Variants in PCCA observed in about 807,000 individuals in gnomAD.
The protein encoded by PCCA is propionyl-CoA carboxylase subunit alpha.
Under a neutral mutation model 101.3 loss-of-function variants are expected in PCCA, and 74 were observed. The ratio of observed to expected loss-of-function variants is 0.73; its 90% confidence interval spans 0.61 to 0.89. PCCA has a LOEUF of 0.89. Ranked by LOEUF, PCCA falls within the 40% of genes least tolerant of loss-of-function variation. The pLI is 0.00. For synonymous variants in PCCA, 294 were observed against 313.6 expected (o/e 0.94, Z 0.66); for missense variants, 891 against 907.0 (o/e 0.98, Z 0.23).
intron 22 of PCCA, among the ~76,000 whole-genome samples, chr13:100,519,714 G>A (rs1369187473): frequency 6.6e-6 from 1 of 152,160 alleles, no homozygotes; most frequent in Admixed American, 6.5e-5. Context: ...ATACAGAACT[G>A]GCAAACTTGG....
intron 15 of PCCA, among the ~76,000 whole-genome samples, chr13:100,307,636 G>A (rs116278482): frequency 0.014 from 2,135 of 152,238 alleles, 47 homozygotes; most frequent in African/African-American, 0.049. Flanking sequence ...GGGCTGATAG[G>A]CAGTGTTTGT....
intron 18 of PCCA, among the ~76,000 whole-genome samples, chr13:100,354,180 G>A (rs1161566601): frequency 1.3e-5 from 2 of 150,922 alleles, no homozygotes; most frequent in Non-Finnish European, 2.9e-5. Context: ...GAAGGCTGAG[G>A]TGGGAGGATC....
At chr13:100,317,718 C>T (rs1381414855) in intron 16 of PCCA, among the ~76,000 whole-genome samples, 1 of 152,172 alleles carries the variant, frequency 6.6e-6, no homozygotes, top group Non-Finnish European at 1.5e-5. Flanking sequence ...TCCCTGGTAG[C>T]TGGGACTACA....
At chr13:100,201,260 G>A (rs1159311665) in intron 6 of PCCA, among the ~76,000 whole-genome samples, 1 of 151,818 alleles carries the variant, frequency 6.6e-6, no homozygotes, top group African/African-American at 2.4e-5. Flanking sequence ...TCTTTTTGTT[G>A]ATATCTCTTT....
At chr13:100,401,470 G>A (rs959577233) in intron 19 of PCCA, among the ~76,000 whole-genome samples, 1 of 152,008 alleles carries the variant, frequency 6.6e-6, no homozygotes, top group African/African-American at 2.4e-5. Context: ...TTTCGAACTC[G>A]TGACCTTGTG....
In PCCA at chr13:100,218,344, G is replaced by T. The variant is rs938454148; in HGVS notation, c.600+8881G>T. Among the ~76,000 whole-genome samples the T allele has an allele frequency of 1.8e-3, 241 of 136,404 alleles. 1 individual carries two copies. The highest frequency in any genetic ancestry group is 4.6e-3 in the African/African-American group (171 of 37,354). The allele number at this position is 136,404 out of a possible 152,430, so 89.5% of individuals were successfully genotyped here. A position where few individuals can be genotyped will look rare whatever the true frequency, so the allele number is the denominator to read the frequency against. Reference sequence around the variant, plus strand: ...CCACCACCATGTCTGGCTATGGGTTGTTTTTTTTTTTTTTTGTATTTAGCA... The same window carrying T: ...CCACCACCATGTCTGGCTATGGGTTTTTTTTTTTTTTTTTTGTATTTAGCA... On this transcript the variant is annotated intron_variant, in intron 7 of 23. Transcript: ENST00000376285.
At chr13:100,388,419 G>A (rs962600789) in intron 19 of PCCA, among the ~76,000 whole-genome samples, 4 of 152,124 alleles carry the variant, frequency 2.6e-5, no homozygotes, top group Non-Finnish European at 4.4e-5. Flanking sequence ...AGCTGTGATC[G>A]TGCCACTGCA....
chr13:100,519,990 C>T (rs1420338612), intron 22 of PCCA, among the ~76,000 whole-genome samples: 2 of 152,168 alleles, frequency 1.3e-5, no homozygotes, highest in Admixed American at 6.5e-5. Context: ...TGTTTTATAG[C>T]AATAGTTATT....
intron 12 of PCCA, among the ~76,000 whole-genome samples, chr13:100,274,127 C>T (rs2063486499): frequency 6.6e-6 from 1 of 152,210 alleles, no homozygotes; most frequent in Non-Finnish European, 1.5e-5. Context: ...CTCCATCTTC[C>T]CTAGAGCTGT....
chr13:100,207,027 T>G (rs941109317), intron 6 of PCCA, among the ~76,000 whole-genome samples: 1 of 152,254 alleles, frequency 6.6e-6, no homozygotes, highest in Non-Finnish European at 1.5e-5. Context: ...CTTTGGATTT[T>G]CATTTCCTTA....
In PCCA at chr13:100,425,711, G is replaced by C. The variant is rs756663669; in HGVS notation, c.1825G>C (p.Gly609Arg). ...GCCCTTATTGTCTGTCAGCGTTGAT[G>C]GCACTCAGAGGACTGTCCAGGTGAG... is the stretch of plus-strand genomic sequence containing the variant. ...ASPLLSVSVDGTQRTVQCLSR... is the reference protein window; with the variant it reads ...ASPLLSVSVDRTQRTVQCLSR... Residue 609 changes from glycine to arginine, a missense_variant, in exon 20 of 24, where the codon GGC becomes CGC. Gly to Arg is a moderately radical substitution (Grantham distance 125, BLOSUM62 -2). Transcript: ENST00000376285. 3.1e-6 allele frequency: 5 copies of C among 1,612,898 alleles called. No individual in the cohort carries two copies. The highest frequency in any genetic ancestry group is 3.4e-6 in the Non-Finnish European group (4 of 1,178,840).
At position 100,185,463 on chromosome 13, in the gene PCCA, C is replaced by T. The variant is rs142696291; in HGVS notation, c.469-23869C>T. On this transcript the variant is annotated intron_variant, in intron 6 of 23. Transcript: ENST00000376285. ...CTCTTGGGCTCAGGTGATTCTCCCA[C>T]CTCAGCCTCCCGGGTAGCTGGGACC... 2.0e-3 allele frequency among the ~76,000 whole-genome samples: 307 copies of T among 152,080 alleles called. 2 individuals carry two copies. Among genetic ancestry groups the T allele is most frequent in the African/African-American group, 7.0e-3 (292 of 41,496 alleles).
intron 21 of PCCA, among the ~76,000 whole-genome samples, chr13:100,483,810 A>G (rs2084147202): frequency 6.6e-6 from 1 of 152,178 alleles, no homozygotes; most frequent in Admixed American, 6.5e-5. Flanking sequence ...GCTGACCAAT[A>G]TTTAGAGAGC....
At chr13:100,438,598 A>G (rs934752320) in intron 20 of PCCA, among the ~76,000 whole-genome samples, 1 of 151,838 alleles carries the variant, frequency 6.6e-6, no homozygotes, top group Non-Finnish European at 1.5e-5. Flanking sequence ...GTTCTGGAGG[A>G]TGCCTTTAAT....
At chr13:100,451,715 C>CCT (rs71114697) in intron 21 of PCCA, among the ~76,000 whole-genome samples, 35,820 of 95,828 alleles carry the variant, frequency 0.37, 7,710 homozygotes, top group Middle Eastern at 0.58. Flanking sequence ...TCTCCTCTCT[C>CCT]CTCTCTCTCT....
At chr13:100,161,139 A>G (rs1412783898) in intron 6 of PCCA, 1 of 152,154 alleles carries the variant, frequency 6.6e-6, no homozygotes, top group Non-Finnish European at 1.5e-5. Flanking sequence ...ACATGTAACT[A>G]CTGTAAAATG....
At chr13:100,429,440 A>G (rs2079385653) in intron 20 of PCCA, among the ~76,000 whole-genome samples, 1 of 152,078 alleles carries the variant, frequency 6.6e-6, no homozygotes, top group Non-Finnish European at 1.5e-5. Flanking sequence ...GTAATTGATT[A>G]CTATAGTAAC....
chr13:100,496,861 CT>C (rs2085314032), intron 21 of PCCA, among the ~76,000 whole-genome samples: 1 of 152,122 alleles, frequency 6.6e-6, no homozygotes, highest in Admixed American at 6.5e-5. Context: ...GGGGAGGATA[CT>C]GTAGAAGGAC....
At chr13:100,530,061 T>C (rs1474681846) in intron 23 of PCCA, 37 bp from the exon 24 acceptor site, 17 of 1,546,314 alleles carry the variant, frequency 1.1e-5, no homozygotes, top group Non-Finnish European at 1.4e-5. Flanking sequence ...TTACTAATTC[T>C]TACTCTCCCC....
Sources: allele counts gnomAD v4.1 joint callset (sites outside exome capture counted in the v4.1 genomes callset), GRCh38; gene constraint gnomAD v4.1.1; transcripts MANE v1.5; gene names NCBI Gene and HGNC (gene_info 2026-07-23, HGNC 2026-07-21).